The following CADM2 variants were observed in gnomAD, a reference collection of about 807,000 sequenced individuals.
The protein encoded by CADM2 is immunoglobulin superfamily member 4D.
Under a neutral mutation model 49.8 loss-of-function variants are expected in CADM2, and 12 were observed. The ratio of observed to expected loss-of-function variants is 0.24; its 90% confidence interval spans 0.15 to 0.39. The LOEUF (loss-of-function observed/expected upper bound fraction) is 0.39. Ranked by LOEUF, CADM2 falls within the 10% of genes least tolerant of loss-of-function variation. The probability of loss-of-function intolerance (pLI) is 1.00; values close to 1 mark genes in which losing one functional copy is unlikely to be tolerated. For missense variants in CADM2, 378 were observed against 492.3 expected (o/e 0.77, Z 2.20); for synonymous variants, 214 against 175.4 (o/e 1.22, Z -1.74).
At chr3:85,766,652 A>G (rs370757467) in intron 2 of CADM2, among the ~76,000 whole-genome samples, 1 of 152,310 alleles carries the variant, frequency 6.6e-6, no homozygotes, top group African/African-American at 2.4e-5. Context: ...ATAATTCTTT[A>G]CGTCAGTTTA....
intron 2 of CADM2, among the ~76,000 whole-genome samples, chr3:85,765,959 C>T (rs1014192282): frequency 6.6e-6 from 1 of 152,004 alleles, no homozygotes; most frequent in Non-Finnish European, 1.5e-5. Context: ...AATAAATGCC[C>T]CTCATATGCA....
At chr3:85,217,321 A>T in intron 1 of CADM2, among the ~76,000 whole-genome samples, 1 of 152,000 alleles carries the variant, frequency 6.6e-6, no homozygotes, top group East Asian at 1.9e-4. Context: ...TAGGGATAGG[A>T]TTGAAATTAA....
intron 1 of CADM2, among the ~76,000 whole-genome samples, chr3:85,137,512 G>T (rs2107621062): frequency 6.6e-6 from 1 of 151,952 alleles, no homozygotes; most frequent in East Asian, 1.9e-4. Flanking sequence ...GCAGTTTTCT[G>T]GGGTTTGGAT....
intron 6 of CADM2, among the ~76,000 whole-genome samples, chr3:85,919,480 A>G (rs1718812813): frequency 6.6e-6 from 1 of 151,910 alleles, no homozygotes; most frequent in South Asian, 2.1e-4. Context: ...GAATGAAAAT[A>G]AGAAATATAT....
intron 3 of CADM2, among the ~76,000 whole-genome samples, chr3:85,861,387 A>G (rs1387566405): frequency 6.6e-6 from 1 of 152,212 alleles, no homozygotes; most frequent in Non-Finnish European, 1.5e-5. Context: ...GATAAGAGTT[A>G]AGAATGACTT....
intron 1 of CADM2, among the ~76,000 whole-genome samples, chr3:85,022,657 CATT>C (rs1295961332): frequency 6.6e-6 from 1 of 152,112 alleles, no homozygotes; most frequent in African/African-American, 2.4e-5. Flanking sequence ...TGCCACACAT[CATT>C]GACATTATTC....
At chr3:85,741,353 A>G (rs1159723713) in intron 2 of CADM2, among the ~76,000 whole-genome samples, 1 of 151,868 alleles carries the variant, frequency 6.6e-6, no homozygotes, top group East Asian at 1.9e-4. Flanking sequence ...AAATACAATG[A>G]CATGTTATTT....
chr3:85,748,196 C>G (rs1163072830), intron 2 of CADM2, among the ~76,000 whole-genome samples: 2 of 151,910 alleles, frequency 1.3e-5, no homozygotes, highest in Admixed American at 1.3e-4. Context: ...AGGAACATTC[C>G]TCTTCCAGAC....
At chr3:85,393,303 C>T (rs78918787) in intron 1 of CADM2, among the ~76,000 whole-genome samples, 9,408 of 151,934 alleles carry the variant, frequency 0.062, 690 homozygotes, top group African/African-American at 0.17. Flanking sequence ...AAAGGTGGTC[C>T]GGGAGAAGGA....
In CADM2 at chr3:85,559,365, G is replaced by A. The variant is rs112257328; in HGVS notation, c.62-167157G>A. ...TGATAAACAGATTGGTGAGATGCCTGTGCATTTCCTATTCAATATCTTAAT... is the reference window on the plus strand; with the variant it reads ...TGATAAACAGATTGGTGAGATGCCTATGCATTTCCTATTCAATATCTTAAT... On this transcript the variant is annotated intron_variant, in intron 1 of 9. Coordinates refer to ENST00000383699, the MANE Select transcript of CADM2 (RefSeq NM_001167675.2). 2.2e-3 allele frequency among the ~76,000 whole-genome samples: 335 copies of A among 152,120 alleles called. 2 individuals are homozygous for A. Among genetic ancestry groups the A allele is most frequent in the African/African-American group, 7.2e-3 (299 of 41,542 alleles).
intron 1 of CADM2, among the ~76,000 whole-genome samples, chr3:85,592,256 A>G (rs978918933): frequency 1.3e-5 from 2 of 151,980 alleles, no homozygotes; most frequent in Non-Finnish European, 2.9e-5. Flanking sequence ...GTTTTTAATG[A>G]TCAGAGTTTC....
chr3:85,570,441 G>A (rs1006759964), intron 1 of CADM2, among the ~76,000 whole-genome samples: 2 of 152,084 alleles, frequency 1.3e-5, no homozygotes, highest in African/African-American at 2.4e-5. Context: ...AAGGAGATGA[G>A]CTAATGGGGT....
intron 1 of CADM2, among the ~76,000 whole-genome samples, chr3:85,633,995 G>A (rs1213511045): frequency 2.0e-5 from 3 of 151,830 alleles, no homozygotes; most frequent in African/African-American, 7.3e-5. Flanking sequence ...GCGTATGATC[G>A]GAGTTTTGGA....
chr3:85,565,562 TA>T lies in CADM2; in HGVS notation c.62-160953del, dbSNP rs902851108. On this transcript the variant is annotated intron_variant, in intron 1 of 9. Coordinates refer to ENST00000383699, the MANE Select transcript of CADM2 (RefSeq NM_001167675.2). ...ATTATGTAGGCCAACTTTTCCACCA[TA>T]AAAAAATACCTTTATTTTAACAATG... Among the ~76,000 whole-genome samples, 3 of 151,982 alleles carry T rather than the reference TA, an allele frequency of 2.0e-5. No homozygotes were observed. The East Asian group carries it at 5.8e-4, about 29-fold the overall frequency.
intron 1 of CADM2, among the ~76,000 whole-genome samples, chr3:85,251,883 T>G (rs1373870515): frequency 6.6e-6 from 1 of 151,996 alleles, no homozygotes. Flanking sequence ...AAACAAAGAA[T>G]TCTCTAAATG....
At chr3:85,044,987 A>G (rs1361460909) in intron 1 of CADM2, among the ~76,000 whole-genome samples, 2 of 152,030 alleles carry the variant, frequency 1.3e-5, no homozygotes, top group East Asian at 3.9e-4. Context: ...CTCTACTTCT[A>G]TATGACCAGG....
chr3:85,783,625 C>A (rs1232366185), intron 2 of CADM2, among the ~76,000 whole-genome samples: 1 of 152,142 alleles, frequency 6.6e-6, no homozygotes, highest in Non-Finnish European at 1.5e-5. Flanking sequence ...GAAAGAAGTG[C>A]ATTACATGCC....
rs543371828 is a variant in CADM2, at chr3:85,820,697, A to G, written c.238+18501A>G. ...TATTAAACATACAAGAGGAGATTAC[A>G]TGATAGCCAATTGGGTATATGAGTC... On this transcript the variant is annotated intron_variant, in intron 3 of 9. Coordinates refer to ENST00000383699, the MANE Select transcript of CADM2 (RefSeq NM_001167675.2). Among the ~76,000 whole-genome samples the G allele has an allele frequency of 2.0e-5, 3 of 152,244 alleles. No homozygotes were observed. The East Asian group carries it at 5.8e-4, about 29-fold the overall frequency.
In CADM2 at chr3:86,072,103, T is replaced by G. The variant is rs987263358; in HGVS notation, c.*5320T>G. On this transcript the variant is annotated 3_prime_UTR_variant, in exon 10 of 10. Transcript: ENST00000383699. ...TTGTCTGCATAGACATATTAAGAATTTTTCAATGATGTAATTTAATTATCC... is the reference window on the plus strand; with the variant it reads ...TTGTCTGCATAGACATATTAAGAATGTTTCAATGATGTAATTTAATTATCC... 24 of 151,972 alleles carry G rather than the reference T, an allele frequency of 1.6e-4. No individual in the cohort carries two copies. The highest frequency in any genetic ancestry group is 5.8e-4 in the African/African-American group (24 of 41,542). 9.4% of individuals were successfully genotyped at this position (151,972 alleles called of 1,614,324 possible). A position where few individuals can be genotyped will look rare whatever the true frequency, so the allele number is the denominator to read the frequency against.
Sources: allele counts gnomAD v4.1 joint callset (sites outside exome capture counted in the v4.1 genomes callset), GRCh38; gene constraint gnomAD v4.1.1; transcripts MANE v1.5; gene names NCBI Gene and HGNC (gene_info 2026-07-23, HGNC 2026-07-21).